The following GYG2 variants were observed in gnomAD, a reference collection of about 807,000 sequenced individuals.
GYG2 encodes glycogenin-2.
GYG2 carries 29 observed loss-of-function variants against 29.4 expected under a neutral mutation model. The observed-to-expected ratio is 0.99, with a 90% CI of 0.74 to 1.35. The LOEUF (loss-of-function observed/expected upper bound fraction) is 1.35, where lower values mean the gene tolerates loss of function less well. GYG2 is among the 40% of genes most tolerant of loss of function. The pLI is 0.00. For missense variants in GYG2, 370 were observed against 385.7 expected (o/e 0.96, Z 0.34); for synonymous variants, 167 against 172.3 (o/e 0.97, Z 0.24).
chrX:2,861,501 C>G (rs2088164600), intron 7 of GYG2, 21 bp from the exon 8 acceptor site: 1 of 1,169,539 alleles, frequency 8.6e-7, no homozygotes, highest in African/African-American at 1.8e-5. Flanking sequence ...AGACTCACTC[C>G]ACGTGTGTGT....
At chrX:2,872,749 T>G (rs1047162553) in intron 8 of GYG2, among the ~76,000 whole-genome samples, 7 of 111,898 alleles carry the variant, frequency 6.3e-5, no homozygotes, top group South Asian at 3.8e-4. Context: ...TGAGCACTTA[T>G]TCTTTGCCTG....
intron 2 of GYG2, among the ~76,000 whole-genome samples, chrX:2,842,391 C>T (rs1398543896): frequency 1.8e-5 from 2 of 108,206 alleles, no homozygotes; most frequent in African/African-American, 6.7e-5. Context: ...CAGATGAGGT[C>T]TTGCTGTGTT....
chrX:2,843,414 C>A (rs1390733785), intron 3 of GYG2, 60 bp downstream of exon 3: 5 of 929,202 alleles, frequency 5.4e-6, no homozygotes, highest in Admixed American at 5.3e-5. Flanking sequence ...GGTCACCTCT[C>A]CCCTAAGAGG....
intron 2 of GYG2, among the ~76,000 whole-genome samples, chrX:2,841,585 G>A (rs2087502506): frequency 8.9e-6 from 1 of 111,751 alleles, no homozygotes; most frequent in African/African-American, 3.3e-5. Context: ...GTTCAAGGGT[G>A]GGGAGGAGGA....
In GYG2 at chrX:2,843,250, C is replaced by T. The variant is rs138208318; in HGVS notation, c.45C>T (p.Asp15=). ...CTTTTGTCACACTAGCCACCAATGA[C>T]ATCTACTGCCAGGGCGCCCTGGTCC... The part of the protein sequence containing the change: ...DQAFVTLATN[D]IYCQGALVLG... The change falls in exon 3 of 11, where the codon GAC becomes GAT. Residue 15 remains aspartate (D), a synonymous_variant. Transcript: ENST00000398806. 5.3e-5 allele frequency: 64 copies of T among 1,198,007 alleles called. No individual in the cohort carries two copies. The highest frequency in any genetic ancestry group is 7.1e-5 in the Non-Finnish European group (63 of 884,486).
rs755002314 is a variant in GYG2 at position 2,855,166 on chromosome X, G to A, written c.487+11G>A. 5.8e-6 allele frequency: 7 copies of A among 1,203,268 alleles called. No individual in the cohort carries two copies. On this transcript the variant is annotated intron_variant, in intron 5 of 10. Transcript: ENST00000398806. ...ACGGCAGCTTTGACGGTAAGTCAGG[G>A]CAGCCCGGACGCTTAGGGTCTCTGT...
chrX:2,869,643 TTTG>T (rs985354299), intron 8 of GYG2, among the ~76,000 whole-genome samples: 6 of 111,919 alleles, frequency 5.4e-5, no homozygotes, highest in East Asian at 5.5e-4. Flanking sequence ...GTGTTTTGGT[TTTG>T]TTGTTGTTGT....
intron 3 of GYG2, among the ~76,000 whole-genome samples, chrX:2,844,474 A>G (rs1373734302): frequency 4.5e-5 from 5 of 110,120 alleles, no homozygotes; most frequent in East Asian, 2.9e-4. Context: ...ACACGTATGC[A>G]TATATATGTG....
chrX:2,869,200 G>T (rs906093958), intron 8 of GYG2, among the ~76,000 whole-genome samples: 1 of 112,042 alleles, frequency 8.9e-6, no homozygotes, highest in African/African-American at 3.2e-5. Flanking sequence ...TAAACAATAC[G>T]ACATAGCAGG....
rs2147276625 is a variant in GYG2 at position 2,877,244 on chromosome X, C to T, written c.1188C>T (p.Phe396=). ...KVESVSSEET[F]EPSQELPAEA... ...AAAGTGTCTCATCCGAGGAAACCTTCGAACCAAGCCAGGAACTCCCTGCTG... is the reference window on the plus strand; with the variant it reads ...AAAGTGTCTCATCCGAGGAAACCTTTGAACCAAGCCAGGAACTCCCTGCTG... Residue 396 remains phenylalanine (F), a synonymous_variant, in exon 10 of 11, where the codon TTC becomes TTT. Coordinates refer to ENST00000398806, the MANE Select transcript of GYG2 (RefSeq NM_001079855.2). 2 of 1,210,058 alleles carry T rather than the reference C, an allele frequency of 1.7e-6. No individual in the cohort carries two copies. Among genetic ancestry groups the T allele is most frequent in the South Asian group, 1.8e-5 (1 of 56,784 alleles).
At chrX:2,864,575 T>C (rs1355178840) in intron 8 of GYG2, among the ~76,000 whole-genome samples, 1 of 110,316 alleles carries the variant, frequency 9.1e-6, no homozygotes, top group African/African-American at 3.3e-5. Context: ...CAAGACTCTA[T>C]TGAGTCCTCA....
At chrX:2,857,185 C>T (rs2088032738) in intron 6 of GYG2, among the ~76,000 whole-genome samples, 1 of 107,856 alleles carries the variant, frequency 9.3e-6, no homozygotes, top group African/African-American at 3.3e-5. Flanking sequence ...TCTATCTAGA[C>T]CTAGATATCT....
intron 3 of GYG2, among the ~76,000 whole-genome samples, chrX:2,849,330 A>G (rs1224979226): frequency 1.8e-5 from 2 of 111,646 alleles, no homozygotes; most frequent in Non-Finnish European, 3.8e-5. Flanking sequence ...TCAGAGAAAT[A>G]GTTACCTTAA....
intron 3 of GYG2, among the ~76,000 whole-genome samples, chrX:2,846,055 ATTTTTTTTTTTTT>A (rs374480210): frequency 0.042 from 1,634 of 38,576 alleles, 77 homozygotes; most frequent in African/African-American, 0.16. Context: ...ATATATATAT[ATTTTTTTTTTTTT>A]TTTTTTTTTT....
At chrX:2,838,725 A>G (rs2087433651) in intron 2 of GYG2, among the ~76,000 whole-genome samples, 1 of 110,447 alleles carries the variant, frequency 9.1e-6, no homozygotes, top group Admixed American at 9.8e-5. Flanking sequence ...GATTTCCTCA[A>G]TGATGTTTTC....
intron 6 of GYG2, among the ~76,000 whole-genome samples, chrX:2,859,611 T>A (rs759036545): frequency 4.4e-4 from 49 of 111,170 alleles, no homozygotes; most frequent in African/African-American, 1.5e-3. Flanking sequence ...AATCTTATTA[T>A]GGGTCATATA....
chrX:2,859,619 A>G (rs2088107892), intron 6 of GYG2, among the ~76,000 whole-genome samples: 1 of 110,898 alleles, frequency 9.0e-6, no homozygotes, highest in Admixed American at 9.7e-5. Flanking sequence ...TATGGGTCAT[A>G]TATTGATTAC....
intron 3 of GYG2, among the ~76,000 whole-genome samples, chrX:2,844,777 C>T (rs867435599): frequency 2.6e-4 from 1 of 3,904 alleles, no homozygotes; most frequent in African/African-American, 7.6e-4. Flanking sequence ...TATATGTACA[C>T]GTATGCATAT....
chrX:2,845,073 TTATA>T (rs1272100034), intron 3 of GYG2, among the ~76,000 whole-genome samples: 5 of 81,169 alleles, frequency 6.2e-5, no homozygotes, highest in South Asian at 5.2e-4. Context: ...GTATGTATAT[TTATA>T]TACACGTGTG....
Sources: gnomAD v4.1 joint callset for allele counts (sites outside exome capture counted in the v4.1 genomes callset) on GRCh38, gnomAD v4.1.1 for gene constraint, MANE v1.5 for transcripts, NCBI Gene and HGNC (gene_info 2026-07-23, HGNC 2026-07-21) for gene names.